CDH18: variants seen among roughly 807,000 people sequenced by gnomAD.
The protein encoded by CDH18 is cadherin 18.
CDH18 carries 31 observed loss-of-function variants against 67.9 expected under a neutral mutation model. The observed-to-expected ratio is 0.46, with a 90% CI of 0.34 to 0.62. The LOEUF (loss-of-function observed/expected upper bound fraction) is 0.62. Ranked by LOEUF, CDH18 falls within the 20% of genes least tolerant of loss-of-function variation. The pLI is 0.01. For synonymous variants in CDH18, 362 were observed against 347.2 expected (o/e 1.04, Z -0.48); for missense variants, 890 against 975.5 (o/e 0.91, Z 1.17).
intron 2 of CDH18, among the ~76,000 whole-genome samples, chr5:20,072,400 T>C (rs1007671238): frequency 6.6e-6 from 1 of 152,050 alleles, no homozygotes; most frequent in Non-Finnish European, 1.5e-5. Flanking sequence ...GGGAGGTAAC[T>C]GCATGAAACT....
chr5:20,418,518 A>G (rs1747541628), intron 1 of CDH18, among the ~76,000 whole-genome samples: 2 of 152,046 alleles, frequency 1.3e-5, no homozygotes, highest in South Asian at 2.1e-4. Flanking sequence ...GACATTTGCT[A>G]CTAAATACCC....
At chr5:20,543,769 A>T (rs1197262681) in intron 1 of CDH18, among the ~76,000 whole-genome samples, 1 of 152,200 alleles carries the variant, frequency 6.6e-6, no homozygotes. Flanking sequence ...AAATTAAATA[A>T]CTAAATTCAG....
At chr5:20,032,097 T>C (rs1739450156) in intron 2 of CDH18, among the ~76,000 whole-genome samples, 1 of 152,086 alleles carries the variant, frequency 6.6e-6, no homozygotes. Context: ...AGAAGGCTAT[T>C]TCTTCTTTAT....
At chr5:19,982,679 C>A (rs546632333) in intron 1 of CDH18, among the ~76,000 whole-genome samples, 2 of 151,984 alleles carry the variant, frequency 1.3e-5, no homozygotes, top group African/African-American at 4.8e-5. Flanking sequence ...TCACTTCCAC[C>A]AGGCAGGAGT....
chr5:20,028,290 C>A (rs1267038290), intron 2 of CDH18, among the ~76,000 whole-genome samples: 1 of 151,974 alleles, frequency 6.6e-6, no homozygotes, highest in Non-Finnish European at 1.5e-5. Flanking sequence ...AATTGTTTAG[C>A]TTATTTTCCA....
At chr5:19,931,182 C>T (rs2136125) in intron 2 of CDH18, among the ~76,000 whole-genome samples, 131,669 of 151,866 alleles carry the variant, frequency 0.87, 57,790 homozygotes, top group South Asian at 0.97. Flanking sequence ...ATATTATCTA[C>T]TTGATTAATA....
At chr5:19,749,191 C>T (rs908562332) in intron 3 of CDH18, among the ~76,000 whole-genome samples, 11 of 152,118 alleles carry the variant, frequency 7.2e-5, no homozygotes, top group East Asian at 3.9e-4. Flanking sequence ...TCTAACTTCG[C>T]GTCAATCCAT....
rs114216427 is a variant in CDH18, at chr5:19,579,470, T to C, written c.1000-7638A>G. On this transcript the variant is annotated intron_variant, in intron 7 of 12. Coordinates refer to ENST00000382275, the MANE Select transcript of CDH18 (RefSeq NM_004934.5). ...AAGTTCTATTTTTGTTTATTTTTTTTCTAGTGACCACCTCCATTCTTATAA... is the reference window on the plus strand; with the variant it reads ...AAGTTCTATTTTTGTTTATTTTTTTCCTAGTGACCACCTCCATTCTTATAA... Among the ~76,000 whole-genome samples, 1,087 of 151,960 alleles carry C rather than the reference T, an allele frequency of 7.2e-3. 14 individuals are homozygous for C. Among genetic ancestry groups the C allele is most frequent in the African/African-American group, 0.025 (1,029 of 41,534 alleles).
Position 20,437,133 on chromosome 5 carries a change from A to G in CDH18, c.-580+138329T>C, listed in dbSNP as rs1050279181. ...TGGTGTTACATCAACACAGTCCAGT[A>G]ATACATTGCTTAGGAAAAAAAAATG... On this transcript the variant is annotated intron_variant, in intron 1 of 14. Transcript: ENST00000507958. 3.4e-5 allele frequency among the ~76,000 whole-genome samples: 5 copies of G among 147,908 alleles called. No individual in the cohort carries two copies. The South Asian group carries it at 6.5e-4, about 19-fold the overall frequency.
At chr5:20,562,820 G>T (rs116061528) in intron 1 of CDH18, among the ~76,000 whole-genome samples, 66 of 151,942 alleles carry the variant, frequency 4.3e-4, no homozygotes, top group African/African-American at 1.5e-3. Context: ...TTAAATCATA[G>T]AATAAGTTTG....
At chr5:19,916,521 C>T (rs1398952025) in intron 2 of CDH18, among the ~76,000 whole-genome samples, 1 of 152,170 alleles carries the variant, frequency 6.6e-6, no homozygotes, top group African/African-American at 2.4e-5. Context: ...ACCTGCACAT[C>T]TCTATTGCCT....
chr5:19,951,152 A>G (rs1795748151), intron 2 of CDH18, among the ~76,000 whole-genome samples: 1 of 152,152 alleles, frequency 6.6e-6, no homozygotes, highest in African/African-American at 2.4e-5. Context: ...CCAAGACTCA[A>G]TGGAAAAGAC....
chr5:19,650,282 T>A (rs1755382116), intron 5 of CDH18, among the ~76,000 whole-genome samples: 1 of 98,150 alleles, frequency 1.0e-5, no homozygotes, highest in South Asian at 4.5e-4. Context: ...GGGCTTAAAA[T>A]TTCCTATCTC....
At chr5:19,962,830 G>C (rs1407021843) in intron 2 of CDH18, among the ~76,000 whole-genome samples, 2 of 152,122 alleles carry the variant, frequency 1.3e-5, no homozygotes, top group East Asian at 3.9e-4. Context: ...AAGTCTCAGA[G>C]AATATTATTT....
intron 2 of CDH18, among the ~76,000 whole-genome samples, chr5:20,208,163 T>G (rs115538184): frequency 0.024 from 3,577 of 152,124 alleles, 148 homozygotes; most frequent in African/African-American, 0.08. Flanking sequence ...CTCAGGAACT[T>G]ACAACCATGG....
At chr5:20,260,488 T>G (rs774008541) in intron 1 of CDH18, among the ~76,000 whole-genome samples, 4 of 152,050 alleles carry the variant, frequency 2.6e-5, no homozygotes, top group Non-Finnish European at 4.4e-5. Context: ...AGATTCTGGA[T>G]TTTGAGCTGA....
chr5:19,716,082 G>A (rs528956131), intron 5 of CDH18, among the ~76,000 whole-genome samples: 1 of 152,146 alleles, frequency 6.6e-6, no homozygotes, highest in South Asian at 2.1e-4. Flanking sequence ...GTCTCCCAAA[G>A]TGCTAGGATT....
intron 1 of CDH18, among the ~76,000 whole-genome samples, chr5:20,372,512 A>G (rs755576754): frequency 1.3e-5 from 2 of 152,188 alleles, no homozygotes; most frequent in Non-Finnish European, 2.9e-5. Context: ...GTAGAAAGAG[A>G]TTAAAAAAAT....
At position 19,482,123 on chromosome 5, in the gene CDH18, A is replaced by AT. The variant is rs200915632; in HGVS notation, c.1882+1177dup. Among the ~76,000 whole-genome samples the AT allele has an allele frequency of 2.1e-3, 312 of 151,356 alleles. 1 individual carries two copies. Among genetic ancestry groups the AT allele is most frequent in the Middle Eastern group, 6.9e-3 (2 of 290 alleles). Reference sequence around the variant, plus strand: ...AAAAAATTTATTTTATTTTATTATTATTATTTTTTTGAGACTGAGTCTCAC... The same window carrying AT: ...AAAAAATTTATTTTATTTTATTATTATTTATTTTTTTGAGACTGAGTCTCAC... On this transcript the variant is annotated intron_variant, in intron 12 of 12. Transcript: ENST00000382275.
Sources: allele counts gnomAD v4.1 joint callset (sites outside exome capture counted in the v4.1 genomes callset), GRCh38; gene constraint gnomAD v4.1.1; transcripts MANE v1.5; gene names NCBI Gene and HGNC (gene_info 2026-07-23, HGNC 2026-07-21).